Variants in MYO9A observed in about 807,000 individuals in gnomAD.
MYO9A encodes the protein unconventional myosin-IXa.
A neutral mutation model predicts 293.3 loss-of-function variants in MYO9A; 103 were observed. The ratio of observed to expected loss-of-function variants is 0.35; its 90% CI spans 0.30 to 0.41. The LOEUF is 0.41. Ranked by LOEUF, MYO9A falls within the 10% of genes least tolerant of loss-of-function variation. MYO9A has a pLI of 1.00. For synonymous variants in MYO9A, 1,001 were observed against 1,035.7 expected (o/e 0.97, Z 0.64); for missense variants, 2,685 against 3,033.0 (o/e 0.89, Z 2.69).
At chr15:71,949,030 GTTAA>G (rs910752378) in intron 15 of MYO9A, among the ~76,000 whole-genome samples, 8 of 151,998 alleles carry the variant, frequency 5.3e-5, no homozygotes, top group African/African-American at 1.9e-4. Context: ...GAAGTCAAGT[GTTAA>G]TTATCTCATT....
chr15:71,978,576 T>G lies in MYO9A; in HGVS notation c.1723-284A>C, dbSNP rs374055172. On this transcript the variant is annotated intron_variant, in intron 11 of 41. Coordinates refer to ENST00000356056, the MANE Select transcript of MYO9A (RefSeq NM_006901.4). ...TGTTTTAGTCTCACTACCTGATGAC[T>G]CCACTAAGTAAAAACGTACAATGAA... 1.1e-4 allele frequency among the ~76,000 whole-genome samples: 17 copies of G among 152,236 alleles called. 1 individual carries two copies. In the East Asian group the frequency reaches 2.1e-3, roughly 19 times the overall value.
At chr15:72,109,052 G>A (rs948180107) in intron 1 of MYO9A, among the ~76,000 whole-genome samples, 4 of 152,016 alleles carry the variant, frequency 2.6e-5, no homozygotes, top group African/African-American at 7.3e-5. Context: ...TGTGAGTCAC[G>A]GCACCCAGCC....
At chr15:72,100,840 C>G (rs1347493146) in intron 1 of MYO9A, among the ~76,000 whole-genome samples, 3 of 151,568 alleles carry the variant, frequency 2.0e-5, no homozygotes, top group South Asian at 2.1e-4. Flanking sequence ...GCGTCTCCGC[C>G]CGGCCAGCCG....
chr15:71,990,620 G>T (rs1027817396), intron 11 of MYO9A, among the ~76,000 whole-genome samples: 27 of 152,086 alleles, frequency 1.8e-4, no homozygotes, highest in African/African-American at 4.8e-4. Flanking sequence ...GCCGGGCATG[G>T]TGGCGGGCAC....
chr15:71,996,337 A>G (rs1213637312), intron 9 of MYO9A, among the ~76,000 whole-genome samples: 1 of 152,216 alleles, frequency 6.6e-6, no homozygotes, highest in East Asian at 1.9e-4. Flanking sequence ...GTCTAACTAC[A>G]GTATTTATGG....
At chr15:71,912,997 T>C (rs2057905506) in intron 19 of MYO9A, among the ~76,000 whole-genome samples, 1 of 152,106 alleles carries the variant, frequency 6.6e-6, no homozygotes, top group Admixed American at 6.5e-5. Flanking sequence ...ACTGAGATTC[T>C]TTGATCTCCG....
At chr15:71,943,272 A>G (rs2058824350) in intron 15 of MYO9A, among the ~76,000 whole-genome samples, 2 of 151,970 alleles carry the variant, frequency 1.3e-5, no homozygotes, top group Admixed American at 1.3e-4. Flanking sequence ...GTACACGTTC[A>G]ATTTATTTAA....
chr15:71,989,429 A>C (rs1159137735), intron 11 of MYO9A, among the ~76,000 whole-genome samples: 2 of 152,178 alleles, frequency 1.3e-5, no homozygotes, highest in Non-Finnish European at 2.9e-5. Flanking sequence ...GTGGATACCA[A>C]ATCCACAGAT....
rs370153809 is a variant in MYO9A at position 71,898,026 on chromosome 15, G to C, written c.4477C>G (p.Leu1493Val). ...TGCCTTTCTTCCTTCTCAGTGTTTA[G>C]CTTTTCTAACTTCTTAAGCACAGGA... ...SNPVLKKLEK[L>V]NTEKEERQKQ... The change falls in exon 25 of 42, where the codon CTA becomes GTA. Residue 1493 changes from leucine (L) to valine (V), a missense_variant. By Grantham distance (32) the Leu-to-Val change is conservative. This residue lies in a region of MYO9A where 1,434 missense variants were observed against 1,497.7 expected (regional missense o/e 0.96). Transcript: ENST00000356056. 2.5e-5 allele frequency: 41 copies of C among 1,613,916 alleles called. No individual in the cohort carries two copies. Among genetic ancestry groups the C allele is most frequent in the Non-Finnish European group, 3.1e-5 (37 of 1,180,034 alleles).
At chr15:71,964,588 T>C (rs1466805960) in intron 13 of MYO9A, among the ~76,000 whole-genome samples, 1 of 143,362 alleles carries the variant, frequency 7.0e-6, no homozygotes, top group Non-Finnish European at 1.5e-5. Flanking sequence ...GAGACCATCC[T>C]GGCCAACATG....
At chr15:72,093,532 T>A (rs1305072928) in intron 1 of MYO9A, among the ~76,000 whole-genome samples, 2 of 151,850 alleles carry the variant, frequency 1.3e-5, no homozygotes, top group Non-Finnish European at 2.9e-5. Flanking sequence ...AAAAAATGAC[T>A]TAGCAAATAT....
chr15:71,936,287 T>C (rs1388721258), intron 16 of MYO9A, among the ~76,000 whole-genome samples: 2 of 152,052 alleles, frequency 1.3e-5, no homozygotes, highest in Admixed American at 6.6e-5. Context: ...AAGTACTGAA[T>C]AGAGCAGTGA....
intron 32 of MYO9A, among the ~76,000 whole-genome samples, chr15:71,875,028 C>G (rs1567219444): frequency 6.6e-6 from 1 of 152,074 alleles, no homozygotes; most frequent in Non-Finnish European, 1.5e-5. Flanking sequence ...AATTTGAAAA[C>G]TTTTTACTGC....
intron 2 of MYO9A, among the ~76,000 whole-genome samples, chr15:72,034,206 A>C (rs1353164981): frequency 6.6e-6 from 1 of 152,198 alleles, no homozygotes; most frequent in Non-Finnish European, 1.5e-5. Flanking sequence ...ATTTGTTAGA[A>C]ATTCAAATTC....
At chr15:71,940,840 G>C (rs1428864171) in intron 15 of MYO9A, among the ~76,000 whole-genome samples, 1 of 152,086 alleles carries the variant, frequency 6.6e-6, no homozygotes, top group Non-Finnish European at 1.5e-5. Flanking sequence ...AGGATGGCTT[G>C]AGTCCAAGAG....
chr15:72,061,146 G>T (rs183268560), intron 1 of MYO9A, among the ~76,000 whole-genome samples: 5 of 151,670 alleles, frequency 3.3e-5, no homozygotes, highest in African/African-American at 4.8e-5. Context: ...CTGCCTAAAG[G>T]GTCCTTGGAC....
chr15:72,063,493 T>A (rs2078932540), intron 1 of MYO9A, among the ~76,000 whole-genome samples: 2 of 152,186 alleles, frequency 1.3e-5, no homozygotes, highest in African/African-American at 4.8e-5. Context: ...ATGTGCAAAC[T>A]GTCTATCTGA....
intron 10 of MYO9A, among the ~76,000 whole-genome samples, chr15:71,994,204 T>A (rs1413968433): frequency 6.6e-6 from 1 of 152,156 alleles, no homozygotes; most frequent in Non-Finnish European, 1.5e-5. Flanking sequence ...CATATATTTA[T>A]GTTTGAAAGA....
At position 72,118,088 on chromosome 15, in the gene MYO9A, GACCCCGCGCACGCGGCCCC is replaced by G. The variant is rs917790386; in HGVS notation, c.-499_-481del. On this transcript the variant is annotated 5_prime_UTR_variant, in exon 1 of 42. Transcript: ENST00000356056. ...TTATCCGCTTCGGTCGCGCGCCCCC[GACCCCGCGCACGCGGCCCC>G]GCCCCGCGCGACTCCCCGGCTGCAG... The G allele has an allele frequency of 1.5e-5, 6 of 392,966 alleles. No individual in the cohort carries two copies. The highest frequency in any genetic ancestry group is 2.2e-5 in the Non-Finnish European group (5 of 222,540). The allele number at this position is 392,966 out of a possible 1,614,324, so 24.3% of individuals were successfully genotyped here. A position where few individuals can be genotyped will look rare whatever the true frequency, so the allele number is the denominator to read the frequency against.
Sources: gnomAD v4.1 joint callset for allele counts (sites outside exome capture counted in the v4.1 genomes callset) on GRCh38, gnomAD v4.1.1 for gene constraint, gnomAD v4.1.1 regional missense constraint, MANE v1.5 for transcripts, NCBI Gene and HGNC (gene_info 2026-07-23, HGNC 2026-07-21) for gene names.